Variants in FNBP1L observed in about 807,000 individuals in gnomAD.
The protein encoded by FNBP1L is formin binding protein 1 like.
FNBP1L carries 36 observed loss-of-function variants against 91.2 expected under a neutral mutation model. The ratio of observed to expected loss-of-function variants is 0.39; its 90% confidence interval spans 0.30 to 0.52. The LOEUF is 0.52. Ranked by LOEUF, FNBP1L falls within the 20% of genes least tolerant of loss-of-function variation. The pLI is 0.66. For missense variants in FNBP1L, 571 were observed against 732.1 expected, an observed-to-expected ratio of 0.78 and a Z score of 2.54; for synonymous variants, 242 against 237.0, an observed-to-expected ratio of 1.02 and a Z score of -0.19.
chr1:93,461,484 T>C (rs1668862578), intron 1 of FNBP1L, among the ~76,000 whole-genome samples: 1 of 152,194 alleles, frequency 6.6e-6, no homozygotes, highest in Non-Finnish European at 1.5e-5. Context: ...GCAATTGTTT[T>C]GGACTTTCCT....
At chr1:93,544,029 C>T in intron 11 of FNBP1L, 78 bp from the exon 12 acceptor site, 1 of 1,023,912 alleles carries the variant, frequency 9.8e-7, no homozygotes, top group Non-Finnish European at 1.4e-6. Context: ...GGTATGTATT[C>T]TTATTTTATA....
chr1:93,479,561 TA>T (rs1230256165), intron 1 of FNBP1L, among the ~76,000 whole-genome samples: 1 of 152,148 alleles, frequency 6.6e-6, no homozygotes, highest in African/African-American at 2.4e-5. Context: ...AGAAAGGCTC[TA>T]AGACAGGCAC....
chr1:93,455,319 A>G (rs1668624277), intron 1 of FNBP1L, among the ~76,000 whole-genome samples: 1 of 152,216 alleles, frequency 6.6e-6, no homozygotes, highest in African/African-American at 2.4e-5. Context: ...CAACCTCTCA[A>G]GTAGCTAGGA....
At chr1:93,515,445 G>A (rs548719701) in intron 2 of FNBP1L, among the ~76,000 whole-genome samples, 2 of 152,046 alleles carry the variant, frequency 1.3e-5, no homozygotes, top group Non-Finnish European at 2.9e-5. Flanking sequence ...AAATCATGCT[G>A]CTATAAAGAC....
At chr1:93,467,639 G>T (rs1401374447) in intron 1 of FNBP1L, among the ~76,000 whole-genome samples, 2 of 152,166 alleles carry the variant, frequency 1.3e-5, no homozygotes, top group South Asian at 2.1e-4. Flanking sequence ...GCCAAGCATG[G>T]TGGCATATGC....
At chr1:93,459,871 T>A (rs1668802029) in intron 1 of FNBP1L, among the ~76,000 whole-genome samples, 1 of 151,842 alleles carries the variant, frequency 6.6e-6, no homozygotes, top group Non-Finnish European at 1.5e-5. Flanking sequence ...TAATCTCTAA[T>A]ACAAGAGTAC....
At chr1:93,506,024 C>T (rs1670599062) in intron 2 of FNBP1L, among the ~76,000 whole-genome samples, 1 of 152,130 alleles carries the variant, frequency 6.6e-6, no homozygotes, top group African/African-American at 2.4e-5. Context: ...AATTTTTTTA[C>T]TATAAGAGAG....
chr1:93,455,659 T>C (rs1668637539), intron 1 of FNBP1L, among the ~76,000 whole-genome samples: 1 of 152,250 alleles, frequency 6.6e-6, no homozygotes, highest in Admixed American at 6.5e-5. Context: ...CTCTTCTGCT[T>C]TAATTCCTAG....
At chr1:93,456,284 T>TA (rs1668656007) in intron 1 of FNBP1L, among the ~76,000 whole-genome samples, 2 of 152,198 alleles carry the variant, frequency 1.3e-5, no homozygotes, top group Non-Finnish European at 2.9e-5. Flanking sequence ...TCTTGATAAA[T>TA]AACTAATCAG....
At chr1:93,475,012 G>T (rs1276678845) in intron 1 of FNBP1L, among the ~76,000 whole-genome samples, 1 of 152,034 alleles carries the variant, frequency 6.6e-6, no homozygotes, top group Non-Finnish European at 1.5e-5. Flanking sequence ...TTCATTTCCA[G>T]TAGAGAACTA....
intron 1 of FNBP1L, among the ~76,000 whole-genome samples, chr1:93,449,104 GTTC>G (rs1364674131): frequency 6.6e-6 from 1 of 152,204 alleles, no homozygotes; most frequent in Admixed American, 6.5e-5. Context: ...ATTCTCACTT[GTTC>G]TTTCTCCTTC....
intron 2 of FNBP1L, among the ~76,000 whole-genome samples, chr1:93,516,670 G>A (rs1324940370): frequency 2.0e-5 from 3 of 151,986 alleles, no homozygotes; most frequent in African/African-American, 7.3e-5. Flanking sequence ...GCTGGGCGTG[G>A]TGGTGGGCAC....
At position 93,448,274 on chromosome 1, in the gene FNBP1L, G is replaced by C. The variant is rs1360505412; in HGVS notation, c.-8G>C. 9 of 1,520,028 alleles carry C rather than the reference G, an allele frequency of 5.9e-6. No homozygotes were observed. The Admixed American group carries it at 1.5e-4, about 25-fold the overall frequency. 94.2% of individuals were successfully genotyped at this position (1,520,028 alleles called of 1,614,324 possible). A position where few individuals can be genotyped will look rare whatever the true frequency, so the allele number is the denominator to read the frequency against. ...AGCGGCACCGCCAGACGGCCAGAAA[G>C]TTCCGCCATGAGCTGGGGCACGGAG... On this transcript the variant is annotated 5_prime_UTR_variant, in exon 1 of 17. Coordinates refer to ENST00000271234, the MANE Select transcript of FNBP1L (RefSeq NM_001164473.3).
chr1:93,519,294 T>C (rs1232708213), intron 2 of FNBP1L, among the ~76,000 whole-genome samples: 2 of 152,198 alleles, frequency 1.3e-5, no homozygotes, highest in African/African-American at 4.8e-5. Context: ...CCAGCAACAT[T>C]GAACCCACTT....
chr1:93,496,575 A>T (rs1019086867), intron 1 of FNBP1L, among the ~76,000 whole-genome samples: 3 of 151,648 alleles, frequency 2.0e-5, no homozygotes, highest in East Asian at 1.9e-4. Flanking sequence ...TAATTTTTAA[A>T]TTTTTTTTGT....
chr1:93,529,545 C>T, intron 5 of FNBP1L, 107 bp from the exon 6 acceptor site: 1 of 643,502 alleles, frequency 1.6e-6, no homozygotes, highest in Non-Finnish European at 2.5e-6. Context: ...CACCCATCAA[C>T]CCGTCATCTA....
At chr1:93,505,683 T>C (rs1016025622) in intron 2 of FNBP1L, among the ~76,000 whole-genome samples, 1 of 152,208 alleles carries the variant, frequency 6.6e-6, no homozygotes, top group Non-Finnish European at 1.5e-5. Flanking sequence ...GCACAGGTCT[T>C]TAAATAAATT....
intron 14 of FNBP1L, among the ~76,000 whole-genome samples, chr1:93,547,646 C>T (rs1369372712): frequency 6.6e-6 from 1 of 152,100 alleles, no homozygotes; most frequent in Admixed American, 6.6e-5. Flanking sequence ...CCTAGTTTGT[C>T]ATGCATCCAA....
chr1:93,546,242 C>T (rs530202209), intron 12 of FNBP1L, among the ~76,000 whole-genome samples: 7 of 151,980 alleles, frequency 4.6e-5, no homozygotes, highest in Admixed American at 2.0e-4. Context: ...TATAGGAAGT[C>T]ATGAAGGAAA....
Sources: gnomAD v4.1 joint callset for allele counts (sites outside exome capture counted in the v4.1 genomes callset) on GRCh38, gnomAD v4.1.1 for gene constraint, MANE v1.5 for transcripts, NCBI Gene and HGNC (gene_info 2026-07-23, HGNC 2026-07-21) for gene names.